Variants in ANO2 observed in about 807,000 individuals in gnomAD.
The protein encoded by ANO2 is anoctamin-2.
ANO2 carries 101 observed loss-of-function variants against 124.2 expected under a neutral mutation model. The observed-to-expected ratio is 0.81, with a 90% CI of 0.69 to 0.96. ANO2 has a LOEUF of 0.96. Among genes scored for constraint, ANO2 ranks in the 40% least tolerant of loss-of-function variants. The pLI is 0.00. For missense variants in ANO2, 1,293 were observed against 1,274.5 expected, an observed-to-expected ratio of 1.01 and a Z score of -0.22; for synonymous variants, 486 against 482.5, an observed-to-expected ratio of 1.01 and a Z score of -0.09.
At chr12:5,932,892 A>G (rs1942481936) in intron 1 of ANO2, among the ~76,000 whole-genome samples, 1 of 152,208 alleles carries the variant, frequency 6.6e-6, no homozygotes, top group African/African-American at 2.4e-5. Flanking sequence ...TTTGCATGCA[A>G]CTAGAAGAAT....
chr12:5,854,398 CAAAAAAAAAAAA>C lies in ANO2; in HGVS notation c.535-269_535-258del, dbSNP rs56030072. ...CCCTGGAAGTTTGGTAGCTTCAGAGCAAAAAAAAAAAAAAAAAAAAAACAAGTTAAAACAATT... is the reference window on the plus strand; with the variant it reads ...CCCTGGAAGTTTGGTAGCTTCAGAGCAAAAAAAAAACAAGTTAAAACAATT... On this transcript the variant is annotated intron_variant, in intron 3 of 24. Transcript: ENST00000682330. Among the ~76,000 whole-genome samples, 10 of 76,110 alleles carry C rather than the reference CAAAAAAAAAAAA, an allele frequency of 1.3e-4. No individual in the cohort carries two copies. The South Asian group carries it at 4.4e-3, about 34-fold the overall frequency. The allele number at this position is 76,110 out of a possible 152,430, so 49.9% of individuals were successfully genotyped here.
At chr12:5,704,943 A>G (rs1949547305) in intron 14 of ANO2, among the ~76,000 whole-genome samples, 1 of 152,226 alleles carries the variant, frequency 6.6e-6, no homozygotes, top group Non-Finnish European at 1.5e-5. Flanking sequence ...TAAAACTGAT[A>G]TATCAATTGT....
intron 3 of ANO2, among the ~76,000 whole-genome samples, chr12:5,914,367 C>A (rs557862035): frequency 6.6e-6 from 1 of 152,172 alleles, no homozygotes; most frequent in Non-Finnish European, 1.5e-5. Context: ...CTCTGCCAGA[C>A]CTACAGGGTG....
intron 3 of ANO2, among the ~76,000 whole-genome samples, chr12:5,886,377 T>A (rs1031737645): frequency 6.6e-6 from 1 of 152,252 alleles, no homozygotes; most frequent in South Asian, 2.1e-4. Context: ...GTAGTCAGAC[T>A]CATAGAAGCA....
At chr12:5,730,081 T>C (rs1189040249) in intron 14 of ANO2, among the ~76,000 whole-genome samples, 1 of 152,192 alleles carries the variant, frequency 6.6e-6, no homozygotes, top group Non-Finnish European at 1.5e-5. Flanking sequence ...CATCTGTGAA[T>C]AAGCTAAAAA....
intron 16 of ANO2, among the ~76,000 whole-genome samples, chr12:5,619,520 T>C (rs1945004576): frequency 6.6e-6 from 1 of 152,138 alleles, no homozygotes; most frequent in Non-Finnish European, 1.5e-5. Flanking sequence ...TCCCTCCTCC[T>C]GGATACACAG....
intron 14 of ANO2, among the ~76,000 whole-genome samples, chr12:5,672,275 C>G (rs527362907): frequency 2.4e-4 from 37 of 152,220 alleles, no homozygotes; most frequent in African/African-American, 8.9e-4. Flanking sequence ...AACTTTAAGG[C>G]CCTGGAAAAA....
intron 15 of ANO2, among the ~76,000 whole-genome samples, chr12:5,647,132 A>G (rs528801949): frequency 6.6e-6 from 1 of 152,164 alleles, no homozygotes; most frequent in Non-Finnish European, 1.5e-5. Context: ...TGCCTTCCCC[A>G]AGGTCCTCTA....
chr12:5,590,997 T>C (rs1449404483), intron 20 of ANO2, among the ~76,000 whole-genome samples: 2 of 152,134 alleles, frequency 1.3e-5, no homozygotes, highest in East Asian at 3.9e-4. Flanking sequence ...GACCTGGTCA[T>C]GGTGAAACCC....
chr12:5,751,637 C>A (rs971950646), intron 10 of ANO2, among the ~76,000 whole-genome samples: 1 of 152,138 alleles, frequency 6.6e-6, no homozygotes, highest in Non-Finnish European at 1.5e-5. Context: ...AGAACATCAC[C>A]AATCACTCCA....
intron 1 of ANO2, among the ~76,000 whole-genome samples, chr12:5,931,279 C>G (rs1942364903): frequency 6.6e-6 from 1 of 152,074 alleles, no homozygotes. Context: ...TTACCCACAC[C>G]ATCATGCCAG....
At chr12:5,758,994 A>G (rs1404590214) in intron 10 of ANO2, among the ~76,000 whole-genome samples, 1 of 151,660 alleles carries the variant, frequency 6.6e-6, no homozygotes, top group Non-Finnish European at 1.5e-5. Context: ...AGAAAATACA[A>G]AGGGAAAAAA....
At chr12:5,805,922 G>A (rs959259719) in intron 9 of ANO2, 130 bp downstream of exon 9, 1 of 854,944 alleles carries the variant, frequency 1.2e-6, no homozygotes, top group Admixed American at 3.1e-5. Flanking sequence ...GGGGAAAGGG[G>A]GGAGCTGGTA....
intron 10 of ANO2, among the ~76,000 whole-genome samples, chr12:5,784,403 C>T (rs1023374712): frequency 2.0e-5 from 3 of 152,170 alleles, no homozygotes; most frequent in African/African-American, 4.8e-5. Flanking sequence ...TTGTTAGCAC[C>T]GTCTGAGCTG....
intron 14 of ANO2, among the ~76,000 whole-genome samples, chr12:5,652,278 A>G (rs886516496): frequency 2.6e-5 from 4 of 152,108 alleles, no homozygotes; most frequent in African/African-American, 9.7e-5. Context: ...TTTAATTTAG[A>G]ATAGTTTTAG....
In ANO2 at chr12:5,728,101, C is replaced by T. The variant is rs1032868352; in HGVS notation, c.1545+4419G>A. On this transcript the variant is annotated intron_variant, in intron 14 of 24. Transcript: ENST00000682330. The stretch of plus-strand genomic sequence containing the variant: ...GATTACAGGCGTGAGCCACCGCACC[C>T]GGCCTCACCACTTCTATTCAGCATT... 7.2e-5 allele frequency among the ~76,000 whole-genome samples: 11 copies of T among 152,156 alleles called. No homozygotes were observed. In the East Asian group the frequency reaches 9.7e-4, roughly 13 times the overall value.
In ANO2 at chr12:5,611,514, C is replaced by G. The variant is rs188035917; in HGVS notation, c.2087+1142G>C. ...CCTGCAAGTCCCCCTACAGTGTAAA[C>G]AGTGTTATTCCTGGTTATGTAGCTC... On this transcript the variant is annotated intron_variant, in intron 19 of 24. Coordinates refer to ENST00000682330, the MANE Select transcript of ANO2 (RefSeq NM_001364791.2). 2.6e-5 allele frequency among the ~76,000 whole-genome samples: 4 copies of G among 152,228 alleles called. No homozygotes were observed. The East Asian group carries it at 7.7e-4, about 29-fold the overall frequency.
intron 14 of ANO2, among the ~76,000 whole-genome samples, chr12:5,653,854 A>G (rs1040695554): frequency 5.3e-5 from 8 of 152,348 alleles, no homozygotes; most frequent in African/African-American, 1.7e-4. Context: ...AACTGTGATT[A>G]AAGAATGATT....
chr12:5,703,421 A>G (rs918534993), intron 14 of ANO2, among the ~76,000 whole-genome samples: 20 of 152,332 alleles, frequency 1.3e-4, no homozygotes, highest in Non-Finnish European at 2.2e-4. Context: ...GGGCGCCCAC[A>G]TGCTTCAATT....
Sources: gnomAD v4.1 joint callset for allele counts (sites outside exome capture counted in the v4.1 genomes callset) on GRCh38, gnomAD v4.1.1 for gene constraint, MANE v1.5 for transcripts, NCBI Gene and HGNC (gene_info 2026-07-23, HGNC 2026-07-21) for gene names.